SOX5: variants seen among roughly 807,000 people sequenced by gnomAD.
The protein encoded by SOX5 is SRY-box transcription factor 5.
In SOX5, 9 loss-of-function variants were observed where a neutral mutation model predicts 92.0. The observed-to-expected ratio is 0.10, with a 90% CI of 0.06 to 0.17. SOX5 has a LOEUF of 0.17. Among genes scored for constraint, SOX5 ranks in the 10% least tolerant of loss-of-function variants. The pLI, the probability that SOX5 is intolerant of heterozygous loss-of-function variation, is 1.00. For missense variants in SOX5, 642 were observed against 944.5 expected (o/e 0.68, Z 4.20); for synonymous variants, 344 against 336.3 (o/e 1.02, Z -0.25).
intron 3 of SOX5, chr12:24,227,784 C>T (rs1043451097): frequency 3.9e-5 from 6 of 152,118 alleles, no homozygotes; most frequent in African/African-American, 7.2e-5. Flanking sequence ...CGGTATCCTT[C>T]GATGAGTACT....
intron 2 of SOX5, among the ~76,000 whole-genome samples, chr12:23,867,738 C>T (rs1406013180): frequency 2.6e-5 from 4 of 151,770 alleles, no homozygotes; most frequent in Non-Finnish European, 5.9e-5. Flanking sequence ...ACACACTATG[C>T]CACCAAAATG....
intron 3 of SOX5, among the ~76,000 whole-genome samples, chr12:23,757,672 A>C (rs2094436043): frequency 6.6e-6 from 1 of 151,948 alleles, no homozygotes; most frequent in South Asian, 2.1e-4. Flanking sequence ...AAAGCTAACA[A>C]ACCTTTGCAA....
At chr12:23,970,840 A>T (rs367715183) in intron 4 of SOX5, among the ~76,000 whole-genome samples, 5 of 33,476 alleles carry the variant, frequency 1.5e-4, no homozygotes, top group African/African-American at 5.1e-4. Flanking sequence ...ATATATATAT[A>T]ATTTTTTTTT....
intron 1 of SOX5, among the ~76,000 whole-genome samples, chr12:24,424,635 C>G (rs1055805151): frequency 1.3e-5 from 2 of 152,136 alleles, no homozygotes; most frequent in Non-Finnish European, 2.9e-5. Flanking sequence ...GTAACGACCT[C>G]TGCACTCTTC....
chr12:24,031,393 C>T (rs1169317777), intron 4 of SOX5, among the ~76,000 whole-genome samples: 1 of 151,542 alleles, frequency 6.6e-6, no homozygotes, highest in Non-Finnish European at 1.5e-5. Context: ...AAAATCCTAT[C>T]ATTTTGCAAC....
At chr12:24,531,261 T>C (rs1417224668) in intron 1 of SOX5, among the ~76,000 whole-genome samples, 1 of 152,168 alleles carries the variant, frequency 6.6e-6, no homozygotes, top group Non-Finnish European at 1.5e-5. Context: ...TCTGGAAACA[T>C]TGGATTATTA....
chr12:23,641,005 G>A (rs573413824), intron 7 of SOX5, 108 bp from the exon 8 acceptor site: 3 of 692,798 alleles, frequency 4.3e-6, no homozygotes, highest in Non-Finnish European at 4.9e-6. Flanking sequence ...GTGCCTTGCT[G>A]AGGCCTAATG....
At chr12:23,977,400 T>TG (rs1373676946) in intron 4 of SOX5, among the ~76,000 whole-genome samples, 1 of 152,192 alleles carries the variant, frequency 6.6e-6, no homozygotes, top group Non-Finnish European at 1.5e-5. Context: ...CCAAGCATGG[T>TG]GGCTAACACC....
intron 4 of SOX5, among the ~76,000 whole-genome samples, chr12:24,170,370 T>C (rs1160795242): frequency 6.6e-6 from 1 of 152,138 alleles, no homozygotes; most frequent in Non-Finnish European, 1.5e-5. Context: ...GGCGCCATGC[T>C]TGTGAACACT....
chr12:23,928,552 T>C (rs1053064961), intron 1 of SOX5, among the ~76,000 whole-genome samples: 1 of 151,714 alleles, frequency 6.6e-6, no homozygotes. Flanking sequence ...CTATAGAAAA[T>C]TATAAATTTA....
intron 6 of SOX5, among the ~76,000 whole-genome samples, chr12:23,692,020 T>G (rs1353994614): frequency 6.6e-6 from 1 of 152,200 alleles, no homozygotes; most frequent in East Asian, 1.9e-4. Context: ...AAAGTACTAT[T>G]TCAGCAATAT....
chr12:23,550,400 C>T (rs1231999176), intron 11 of SOX5, among the ~76,000 whole-genome samples: 1 of 151,844 alleles, frequency 6.6e-6, no homozygotes, highest in South Asian at 2.1e-4. Flanking sequence ...GATAGTTAAA[C>T]ATGTGTTAGA....
At chr12:24,150,417 GT>G (rs1389660252) in intron 4 of SOX5, among the ~76,000 whole-genome samples, 2 of 152,148 alleles carry the variant, frequency 1.3e-5, no homozygotes, top group Non-Finnish European at 2.9e-5. Context: ...TAAGCTGTTT[GT>G]GGTAGCTTCA....
At chr12:23,663,745 T>TA (rs1365729285) in intron 7 of SOX5, among the ~76,000 whole-genome samples, 1 of 151,964 alleles carries the variant, frequency 6.6e-6, no homozygotes, top group Non-Finnish European at 1.5e-5. Context: ...AATCAGAATT[T>TA]AAAAAAATCA....
chr12:24,229,456 T>C (rs936022249), intron 3 of SOX5, among the ~76,000 whole-genome samples: 3 of 152,104 alleles, frequency 2.0e-5, no homozygotes, highest in Admixed American at 2.0e-4. Flanking sequence ...TCAAAGGCCA[T>C]CAAAACCCAG....
At chr12:23,546,923 A>C (rs1943246008) in intron 11 of SOX5, among the ~76,000 whole-genome samples, 1 of 152,170 alleles carries the variant, frequency 6.6e-6, no homozygotes, top group Middle Eastern at 3.2e-3. Context: ...AAGGGTAATG[A>C]AGACGTTTAA....
chr12:24,474,861 T>C (rs1041205554), intron 1 of SOX5, among the ~76,000 whole-genome samples: 2 of 148,240 alleles, frequency 1.3e-5, no homozygotes, highest in African/African-American at 5.0e-5. Flanking sequence ...TTAGTGAGAG[T>C]TTTTTTTTGA....
At chr12:23,987,679 G>C (rs1280619630) in intron 4 of SOX5, among the ~76,000 whole-genome samples, 2 of 152,294 alleles carry the variant, frequency 1.3e-5, no homozygotes, top group Admixed American at 6.5e-5. Flanking sequence ...TATAGTCCCA[G>C]CTACGAGGGA....
chr12:24,029,940 G>T (rs1478908841), intron 4 of SOX5, among the ~76,000 whole-genome samples: 2 of 151,914 alleles, frequency 1.3e-5, no homozygotes, highest in African/African-American at 4.8e-5. Flanking sequence ...CTTCATATGT[G>T]CCAGGCTCAG....
Sources: allele counts gnomAD v4.1 joint callset (sites outside exome capture counted in the v4.1 genomes callset), GRCh38; gene constraint gnomAD v4.1.1; transcripts MANE v1.5; gene names NCBI Gene and HGNC (gene_info 2026-07-23, HGNC 2026-07-21).